ABCB1: variants seen among roughly 807,000 people sequenced by gnomAD.
The protein encoded by ABCB1 is ATP-dependent translocase ABCB1.
A neutral mutation model predicts 142.0 loss-of-function variants in ABCB1; 69 were observed. The observed-to-expected ratio is 0.49, with a 90% CI of 0.40 to 0.59. The LOEUF (loss-of-function observed/expected upper bound fraction) is 0.59, where lower values mean the gene tolerates loss of function less well. Ranked by LOEUF, ABCB1 falls within the 20% of genes least tolerant of loss-of-function variation. The probability of loss-of-function intolerance (pLI) is 0.00; values close to 1 mark genes in which losing one functional copy is unlikely to be tolerated. For missense variants in ABCB1, 1,326 were observed against 1,554.7 expected (o/e 0.85, Z 2.47); for synonymous variants, 532 against 539.2 (o/e 0.99, Z 0.18).
intron 1 of ABCB1, among the ~76,000 whole-genome samples, chr7:87,690,726 G>C (rs1827936135): frequency 6.6e-6 from 1 of 152,088 alleles, no homozygotes; most frequent in Non-Finnish European, 1.5e-5. Flanking sequence ...ATTAGTAATA[G>C]AATATGTTCT....
intron 1 of ABCB1, among the ~76,000 whole-genome samples, chr7:87,702,068 A>G (rs1053466049): frequency 5.9e-5 from 8 of 136,274 alleles, no homozygotes; most frequent in Admixed American, 4.1e-4. Context: ...GCGTGAACCC[A>G]GGAGGCGGAG....
chr7:87,645,021 GA>G (rs1387954461), intron 1 of ABCB1, among the ~76,000 whole-genome samples: 1 of 151,064 alleles, frequency 6.6e-6, no homozygotes, highest in Non-Finnish European at 1.5e-5. Context: ...ATGACAAAGG[GA>G]AAAAGGTAGT....
chr7:87,565,927 T>A, intron 7 of ABCB1, 143 bp downstream of exon 7: 5 of 913,850 alleles, frequency 5.5e-6, no homozygotes, highest in Non-Finnish European at 8.7e-6. Flanking sequence ...CTGGATATGC[T>A]TATCCAGCTG....
chr7:87,667,373 G>A (rs1261957413), intron 1 of ABCB1, among the ~76,000 whole-genome samples: 1 of 151,544 alleles, frequency 6.6e-6, no homozygotes, highest in East Asian at 1.9e-4. Context: ...TTTTCAGATG[G>A]AGGAACTTTT....
At chr7:87,686,519 A>G (rs1827477011) in intron 1 of ABCB1, among the ~76,000 whole-genome samples, 1 of 152,204 alleles carries the variant, frequency 6.6e-6, no homozygotes, top group South Asian at 2.1e-4. Flanking sequence ...TAGGCCACAT[A>G]GATTAAGAAA....
chr7:87,518,170 CA>C, intron 23 of ABCB1, among the ~76,000 whole-genome samples: 1 of 152,252 alleles, frequency 6.6e-6, no homozygotes, highest in East Asian at 1.9e-4. Context: ...CATATTGTGT[CA>C]TTAGTTTTTG....
intron 1 of ABCB1, among the ~76,000 whole-genome samples, chr7:87,677,609 G>C (rs1387585725): frequency 6.6e-6 from 1 of 152,064 alleles, no homozygotes; most frequent in African/African-American, 2.4e-5. Flanking sequence ...TTGTGTACTT[G>C]AAAATTGCTA....
chr7:87,570,313 T>A, intron 4 of ABCB1, 90 bp from the exon 5 acceptor site: 1 of 1,257,196 alleles, frequency 8.0e-7, no homozygotes, highest in South Asian at 1.2e-5. Context: ...TCATTTCATT[T>A]AATGATTTAC....
chr7:87,509,612 T>A (rs1476362641), intron 25 of ABCB1, 131 bp from the exon 26 acceptor site: 20 of 979,462 alleles, frequency 2.0e-5, no homozygotes, highest in Non-Finnish European at 2.8e-5. Flanking sequence ...GTGATTAAAA[T>A]TTGGATAGTG....
At chr7:87,539,176 T>C in intron 19 of ABCB1, 92 bp downstream of exon 19, 3 of 1,363,158 alleles carry the variant, frequency 2.2e-6, no homozygotes, top group Non-Finnish European at 3.1e-6. Flanking sequence ...GAGCTAGGCC[T>C]GGGAAACATG....
At chr7:87,694,745 A>G (rs1399914373) in intron 1 of ABCB1, among the ~76,000 whole-genome samples, 3 of 152,106 alleles carry the variant, frequency 2.0e-5, no homozygotes, top group Non-Finnish European at 2.9e-5. Flanking sequence ...TATGTTAATA[A>G]TGCTGGTGGA....
At chr7:87,516,731 CT>C (rs546527484) in intron 23 of ABCB1, 66 bp from the exon 24 acceptor site, 111,384 of 786,312 alleles carry the variant, frequency 0.14, 8 homozygotes, top group Non-Finnish European at 0.15. Flanking sequence ...GCTGACACTC[CT>C]TTTTTTTTTT....
chr7:87,578,820 A>G (rs1167475586), intron 4 of ABCB1, among the ~76,000 whole-genome samples: 1 of 151,024 alleles, frequency 6.6e-6, no homozygotes, highest in African/African-American at 2.4e-5. Context: ...CAGCCTCCCA[A>G]GTAGCTGGGA....
chr7:87,561,118 A>G, intron 8 of ABCB1, 145 bp downstream of exon 8: 1 of 923,974 alleles, frequency 1.1e-6, no homozygotes, highest in South Asian at 2.0e-5. Flanking sequence ...TCTCCAAAAT[A>G]TTAGTTATGC....
At chr7:87,601,857 C>T (rs1299864028), upstream of ABCB1, among the ~76,000 whole-genome samples, 2 of 152,202 alleles carry the variant, frequency 1.3e-5, no homozygotes, top group African/African-American at 4.8e-5. Flanking sequence ...ACTGCATAGT[C>T]TGAGGATGTT....
At chr7:87,694,869 T>C (rs1828362677) in intron 1 of ABCB1, among the ~76,000 whole-genome samples, 1 of 152,210 alleles carries the variant, frequency 6.6e-6, no homozygotes, top group Non-Finnish European at 1.5e-5. Context: ...TTCATCTTAA[T>C]CTTTTTGTTT....
intron 3 of ABCB1, among the ~76,000 whole-genome samples, chr7:87,590,613 G>T (rs1411160171): frequency 6.6e-6 from 1 of 152,158 alleles, no homozygotes; most frequent in Non-Finnish European, 1.5e-5. Context: ...CCAATGCAAA[G>T]GTACTTAGGT....
chr7:87,550,450 A>T lies in ABCB1; in HGVS notation c.1224+18T>A, dbSNP rs1414806502. 6.2e-7 allele frequency: 1 copy of T among 1,607,324 alleles called. No homozygotes were observed. Among genetic ancestry groups the T allele is most frequent in the Non-Finnish European group, 8.5e-7 (1 of 1,175,500 alleles). On this transcript the variant is annotated intron_variant, in intron 11 of 27. Transcript: ENST00000622132. ...TCATTCAATAGATTAATTGTTGATTAATCATTTATCACTGTACCTTAACTT... is the reference window on the plus strand; with the variant it reads ...TCATTCAATAGATTAATTGTTGATTTATCATTTATCACTGTACCTTAACTT...
chr7:87,682,168 A>T (rs2130594654), intron 1 of ABCB1, among the ~76,000 whole-genome samples: 1 of 152,342 alleles, frequency 6.6e-6, no homozygotes, highest in Middle Eastern at 3.4e-3. Context: ...GCAATAATTC[A>T]GTCACATCTT....
Sources: allele counts gnomAD v4.1 joint callset (sites outside exome capture counted in the v4.1 genomes callset), GRCh38; gene constraint gnomAD v4.1.1; transcripts MANE v1.5; gene names NCBI Gene and HGNC (gene_info 2026-07-23, HGNC 2026-07-21).